Variants in CTNNBL1 observed in about 807,000 individuals in gnomAD.
CTNNBL1 encodes beta-catenin-like protein 1.
CTNNBL1 carries 31 observed loss-of-function variants against 72.7 expected under a neutral mutation model. The observed-to-expected ratio is 0.43, with a 90% confidence interval of 0.32 to 0.58. The LOEUF is 0.58. Among genes scored for constraint, CTNNBL1 ranks in the 20% least tolerant of loss-of-function variants. The probability of loss-of-function intolerance (pLI) is 0.08; values close to 1 mark genes in which losing one functional copy is unlikely to be tolerated. For synonymous variants in CTNNBL1, 240 were observed against 267.3 expected, an observed-to-expected ratio of 0.90 and a Z score of 1.00; for missense variants, 534 against 725.1, an observed-to-expected ratio of 0.74 and a Z score of 3.03.
At chr20:37,707,591 G>A (rs1349886604) in intron 1 of CTNNBL1, among the ~76,000 whole-genome samples, 1 of 152,204 alleles carries the variant, frequency 6.6e-6, no homozygotes, top group African/African-American at 2.4e-5. Context: ...GTTGTGACTG[G>A]TTTGATCTTC....
At chr20:37,867,918 G>C (rs555330367) in intron 15 of CTNNBL1, among the ~76,000 whole-genome samples, 17 of 152,302 alleles carry the variant, frequency 1.1e-4, no homozygotes, top group Admixed American at 9.8e-4. Flanking sequence ...CAGCTTCCCC[G>C]GGCAGTGGAT....
chr20:37,784,098 A>G (rs2073650762), intron 10 of CTNNBL1, among the ~76,000 whole-genome samples: 2 of 152,178 alleles, frequency 1.3e-5, no homozygotes, highest in Non-Finnish European at 2.9e-5. Context: ...ACCGTTATGT[A>G]ATGACCTTCT....
intron 10 of CTNNBL1, among the ~76,000 whole-genome samples, chr20:37,789,469 A>G (rs2122711354): frequency 6.6e-6 from 1 of 152,342 alleles, no homozygotes; most frequent in Non-Finnish European, 1.5e-5. Flanking sequence ...CTGTTTAACA[A>G]AGTGATCAGA....
chr20:37,789,106 CA>C (rs547727195), intron 10 of CTNNBL1, among the ~76,000 whole-genome samples: 14 of 149,440 alleles, frequency 9.4e-5, no homozygotes, highest in African/African-American at 2.5e-4. Context: ...GTACAGGAAC[CA>C]AAAAAAAAGA....
intron 13 of CTNNBL1, among the ~76,000 whole-genome samples, chr20:37,853,562 C>T (rs560941002): frequency 2.0e-5 from 3 of 152,276 alleles, no homozygotes; most frequent in South Asian, 2.1e-4. Flanking sequence ...ATCTCGAGTC[C>T]TTATCTCAAG....
At chr20:37,812,026 G>A (rs2072016019) in intron 11 of CTNNBL1, among the ~76,000 whole-genome samples, 1 of 152,164 alleles carries the variant, frequency 6.6e-6, no homozygotes, top group Non-Finnish European at 1.5e-5. Flanking sequence ...TAATCCAGAG[G>A]CAGCACAGAG....
intron 11 of CTNNBL1, among the ~76,000 whole-genome samples, chr20:37,824,256 C>T (rs1471178685): frequency 6.6e-6 from 1 of 152,192 alleles, no homozygotes; most frequent in Non-Finnish European, 1.5e-5. Flanking sequence ...AAAACTGTGT[C>T]GCTGCTTCCA....
intron 7 of CTNNBL1, among the ~76,000 whole-genome samples, chr20:37,771,429 A>G (rs746817568): frequency 1.3e-5 from 2 of 152,278 alleles, no homozygotes; most frequent in South Asian, 2.1e-4. Flanking sequence ...TCACTATGCT[A>G]TTACCCATTC....
chr20:37,788,590 C>T (rs901706370), intron 10 of CTNNBL1, among the ~76,000 whole-genome samples: 6 of 152,258 alleles, frequency 3.9e-5, no homozygotes, highest in African/African-American at 1.4e-4. Flanking sequence ...GGAGTCCACT[C>T]GAGTCCTGGG....
intron 10 of CTNNBL1, among the ~76,000 whole-genome samples, chr20:37,789,973 G>A (rs1160788125): frequency 6.6e-6 from 1 of 152,148 alleles, no homozygotes; most frequent in African/African-American, 2.4e-5. Context: ...ACCCATCTTG[G>A]TTATTAACTG....
chr20:37,717,354 G>A (rs556590941), intron 1 of CTNNBL1, among the ~76,000 whole-genome samples: 5 of 152,328 alleles, frequency 3.3e-5, no homozygotes, highest in African/African-American at 1.2e-4. Flanking sequence ...GAACCATTGT[G>A]TGAGTTCGCT....
At chr20:37,797,951 C>A (rs1016208057) in intron 10 of CTNNBL1, among the ~76,000 whole-genome samples, 1 of 152,334 alleles carries the variant, frequency 6.6e-6, no homozygotes, top group East Asian at 1.9e-4. Context: ...ACATCCCCTG[C>A]AGCTTGGTTC....
chr20:37,734,472 G>A (rs1416666538), intron 2 of CTNNBL1, among the ~76,000 whole-genome samples: 2 of 152,192 alleles, frequency 1.3e-5, no homozygotes, highest in African/African-American at 4.8e-5. Flanking sequence ...TAATTCCCAT[G>A]TAGGGCAAGG....
At chr20:37,777,620 A>AT in intron 8 of CTNNBL1, 34 bp from the exon 9 acceptor site, 16 of 1,602,642 alleles carry the variant, frequency 1.0e-5, no homozygotes, top group African/African-American at 2.7e-5. Flanking sequence ...AGTTAGGTTC[A>AT]TTTTTTTTCT....
chr20:37,775,378 T>C (rs1399129151), intron 7 of CTNNBL1, among the ~76,000 whole-genome samples: 1 of 152,286 alleles, frequency 6.6e-6, no homozygotes, highest in Non-Finnish European at 1.5e-5. Context: ...CACAAAGATA[T>C]GATGTCACCA....
intron 5 of CTNNBL1, among the ~76,000 whole-genome samples, 177 bp from the exon 6 acceptor site, chr20:37,765,020 G>A (rs58653188): frequency 0.01 from 1,550 of 152,174 alleles, 20 homozygotes; most frequent in African/African-American, 0.036. Flanking sequence ...CTTACCTCAG[G>A]GTCACTTTAA....
intron 10 of CTNNBL1, among the ~76,000 whole-genome samples, chr20:37,793,042 T>C (rs1407669867): frequency 6.6e-6 from 1 of 152,208 alleles, no homozygotes; most frequent in Non-Finnish European, 1.5e-5. Flanking sequence ...TATTAAGACT[T>C]GTTTTTGGCC....
chr20:37,822,150 AACTC>A (rs2072113584), intron 11 of CTNNBL1, among the ~76,000 whole-genome samples: 1 of 152,180 alleles, frequency 6.6e-6, no homozygotes, highest in South Asian at 2.1e-4. Flanking sequence ...GCGTGTGTCT[AACTC>A]TACCACACGT....
chr20:37,866,910 C>T (rs1329232706), intron 15 of CTNNBL1, among the ~76,000 whole-genome samples: 1 of 152,130 alleles, frequency 6.6e-6, no homozygotes, highest in Non-Finnish European at 1.5e-5. Context: ...CAGGGACCAG[C>T]ACACAGGCTC....
Sources: gnomAD v4.1 joint callset for allele counts (sites outside exome capture counted in the v4.1 genomes callset) on GRCh38, gnomAD v4.1.1 for gene constraint, MANE v1.5 for transcripts, NCBI Gene and HGNC (gene_info 2026-07-23, HGNC 2026-07-21) for gene names.